Variants in CMSS1 observed in about 807,000 individuals in gnomAD.
CMSS1 encodes cms1 ribosomal small subunit homolog.
Under a neutral mutation model 43.5 loss-of-function variants are expected in CMSS1, and 33 were observed. The ratio of observed to expected loss-of-function variants is 0.76; its 90% CI spans 0.57 to 1.01. The LOEUF (loss-of-function observed/expected upper bound fraction) is 1.01. CMSS1 is among the 50% of genes least tolerant of loss of function. CMSS1 has a pLI of 0.00. For synonymous variants in CMSS1, 115 were observed against 117.2 expected (o/e 0.98, Z 0.12); for missense variants, 313 against 326.4 (o/e 0.96, Z 0.32).
chr3:99,854,092 C>T (rs953715499), intron 1 of CMSS1, among the ~76,000 whole-genome samples: 4 of 152,104 alleles, frequency 2.6e-5, no homozygotes, highest in Admixed American at 2.0e-4. Flanking sequence ...CACCCTAAAT[C>T]GTTATTTCTT....
intron 1 of CMSS1, among the ~76,000 whole-genome samples, chr3:99,861,666 G>A (rs1477804538): frequency 6.6e-6 from 1 of 152,100 alleles, no homozygotes. Context: ...ATTACCCCCA[G>A]CAAGAGATTG....
chr3:100,160,769 G>A (rs1233453425), intron 3 of CMSS1, among the ~76,000 whole-genome samples: 1 of 152,198 alleles, frequency 6.6e-6, no homozygotes, highest in East Asian at 1.9e-4. Flanking sequence ...GTGGTCAGAT[G>A]TCAGACATAG....
At chr3:100,137,709 C>T (rs1320041425) in intron 1 of CMSS1, among the ~76,000 whole-genome samples, 5 of 152,030 alleles carry the variant, frequency 3.3e-5, no homozygotes, top group South Asian at 2.1e-4. Context: ...ACTATAGGCG[C>T]CCGCCACCAT....
intron 1 of CMSS1, among the ~76,000 whole-genome samples, chr3:99,958,720 C>T (rs930516158): frequency 6.6e-6 from 1 of 152,146 alleles, no homozygotes; most frequent in Non-Finnish European, 1.5e-5. Flanking sequence ...CAGCAGGGCT[C>T]CTTCAGGGAA....
Position 100,092,811 on chromosome 3 carries a change from A to T in CMSS1, c.65-54162A>T, listed in dbSNP as rs1299262595. 2.0e-5 allele frequency among the ~76,000 whole-genome samples: 3 copies of T among 151,740 alleles called. No individual in the cohort carries two copies. The East Asian group carries it at 5.8e-4, about 29-fold the overall frequency. On this transcript the variant is annotated intron_variant, in intron 1 of 9. Transcript: ENST00000421999. ...TAGAATTAAGTGACTAAGGATCAGA[A>T]GTATCTATTACCTCTGTATTGGGAT...
chr3:99,978,636 T>C (rs1159617105), intron 1 of CMSS1, among the ~76,000 whole-genome samples: 1 of 152,188 alleles, frequency 6.6e-6, no homozygotes, highest in Non-Finnish European at 1.5e-5. Flanking sequence ...GGCTCTCCCC[T>C]GTAATCCCAG....
chr3:100,144,248 T>G (rs1001157261), intron 1 of CMSS1, among the ~76,000 whole-genome samples: 30 of 152,346 alleles, frequency 2.0e-4, no homozygotes, highest in Admixed American at 1.4e-3. Flanking sequence ...CATCTCTCTA[T>G]GTAGCCTTTT....
intron 1 of CMSS1, among the ~76,000 whole-genome samples, chr3:100,107,445 G>A (rs891321196): frequency 2.6e-5 from 4 of 152,106 alleles, no homozygotes; most frequent in African/African-American, 9.7e-5. Flanking sequence ...TGAGAGTGAT[G>A]AATCCACGGG....
At chr3:100,151,128 C>G (rs1486651174) in intron 2 of CMSS1, among the ~76,000 whole-genome samples, 2 of 152,176 alleles carry the variant, frequency 1.3e-5, no homozygotes, top group East Asian at 3.8e-4. Context: ...TTCTTCCACT[C>G]TTCATCTCCA....
At chr3:100,058,664 T>G (rs1361952650) in intron 1 of CMSS1, among the ~76,000 whole-genome samples, 2 of 152,130 alleles carry the variant, frequency 1.3e-5, no homozygotes, top group Admixed American at 1.3e-4. Context: ...CAAACTGACT[T>G]CATTTTACAC....
At chr3:100,011,327 T>C (rs1385840957) in intron 1 of CMSS1, among the ~76,000 whole-genome samples, 1 of 152,112 alleles carries the variant, frequency 6.6e-6, no homozygotes. Flanking sequence ...AACCAAAACC[T>C]AAAAACCTCC....
At chr3:100,012,302 G>A (rs1208545180) in intron 1 of CMSS1, among the ~76,000 whole-genome samples, 1 of 152,104 alleles carries the variant, frequency 6.6e-6, no homozygotes, top group East Asian at 1.9e-4. Context: ...CCAAATATGA[G>A]ATGTATAAAA....
At chr3:100,142,250 A>G (rs932084586) in intron 1 of CMSS1, among the ~76,000 whole-genome samples, 1 of 152,288 alleles carries the variant, frequency 6.6e-6, no homozygotes, top group Non-Finnish European at 1.5e-5. Context: ...TCAGCCCTCC[A>G]TATCCATGGG....
At position 99,821,638 on chromosome 3, in the gene CMSS1, C is replaced by G. The variant is rs981566943; in HGVS notation, c.64+3595C>G. ...ATATTAATGCTGAAATGAGCAAACACAATGCCTGAGATTTTAATGTAGTTG... is the reference window on the plus strand; with the variant it reads ...ATATTAATGCTGAAATGAGCAAACAGAATGCCTGAGATTTTAATGTAGTTG... On this transcript the variant is annotated intron_variant, in intron 1 of 9. Coordinates refer to ENST00000421999, the MANE Select transcript of CMSS1 (RefSeq NM_032359.4). 3.3e-5 allele frequency among the ~76,000 whole-genome samples: 5 copies of G among 152,350 alleles called. No homozygotes were observed. The East Asian group carries it at 9.6e-4, about 29-fold the overall frequency.
At chr3:100,022,244 A>G (rs1287706026) in intron 1 of CMSS1, among the ~76,000 whole-genome samples, 4 of 152,286 alleles carry the variant, frequency 2.6e-5, no homozygotes, top group Non-Finnish European at 4.4e-5. Flanking sequence ...CGTCAAACAC[A>G]GTTCTGTCCT....
intron 1 of CMSS1, among the ~76,000 whole-genome samples, chr3:100,005,726 A>T (rs554899985): frequency 1.3e-5 from 2 of 152,362 alleles, no homozygotes; most frequent in African/African-American, 2.4e-5. Flanking sequence ...GTTAGCAGTC[A>T]TAATAAACAC....
At chr3:99,899,768 G>T (rs1474457257) in intron 1 of CMSS1, among the ~76,000 whole-genome samples, 1 of 152,174 alleles carries the variant, frequency 6.6e-6, no homozygotes, top group Admixed American at 6.5e-5. Context: ...TGATGAACCA[G>T]ACTCCCTGGG....
rs139939687 is a variant in CMSS1 at position 100,049,938 on chromosome 3, A to G, written c.65-97035A>G. On this transcript the variant is annotated intron_variant, in intron 1 of 9. Coordinates refer to ENST00000421999, the MANE Select transcript of CMSS1 (RefSeq NM_032359.4). ...AGTCAAAAGTTATATGCGATTTTCAACTGCACAGAGGGTCAGTGACCCTAA... is the reference window on the plus strand; with the variant it reads ...AGTCAAAAGTTATATGCGATTTTCAGCTGCACAGAGGGTCAGTGACCCTAA... Among the ~76,000 whole-genome samples, 1,106 of 152,294 alleles carry G rather than the reference A, an allele frequency of 7.3e-3. 19 individuals are homozygous for G. Among genetic ancestry groups the G allele is most frequent in the African/African-American group, 0.025 (1,019 of 41,552 alleles).
chr3:99,903,503 G>A (rs184091629), intron 1 of CMSS1, among the ~76,000 whole-genome samples: 6 of 152,222 alleles, frequency 3.9e-5, no homozygotes, highest in African/African-American at 1.4e-4. Flanking sequence ...ACCTGCCTCG[G>A]CCTCCCAAAG....
Sources: allele counts gnomAD v4.1 joint callset (sites outside exome capture counted in the v4.1 genomes callset), GRCh38; gene constraint gnomAD v4.1.1; transcripts MANE v1.5; gene names NCBI Gene and HGNC (gene_info 2026-07-23, HGNC 2026-07-21).